Variants in BLTP3B observed in about 807,000 individuals in gnomAD.
BLTP3B encodes the protein UHRF1 (ICBP90) binding protein 1-like.
the BLTP3B span, chr12:100,058,230 T>C: frequency 6.2e-7 from 1 of 1,612,614 alleles, no homozygotes; most frequent in Non-Finnish European, 8.5e-7. Flanking sequence ...TATATTCGAA[T>C]CTTCTCTGTA....
the BLTP3B span, among the ~76,000 whole-genome samples, chr12:100,138,041 A>G: frequency 2.0e-5 from 3 of 152,214 alleles, no homozygotes; most frequent in Non-Finnish European, 4.4e-5. Context: ...CTAAAGCTGT[A>G]GCTCCCAACC....
At chr12:100,104,363 C>T in the BLTP3B span, among the ~76,000 whole-genome samples, 1 of 151,740 alleles carries the variant, frequency 6.6e-6, no homozygotes, top group Non-Finnish European at 1.5e-5. Flanking sequence ...GCCACCACGC[C>T]CGGCTAATTT....
the BLTP3B span, among the ~76,000 whole-genome samples, chr12:100,081,915 T>G: frequency 6.6e-6 from 1 of 152,194 alleles, no homozygotes; most frequent in African/African-American, 2.4e-5. Flanking sequence ...TATATTCCTA[T>G]GGGTATATAC....
the BLTP3B span, among the ~76,000 whole-genome samples, chr12:100,041,009 C>A: frequency 1.9e-4 from 29 of 152,214 alleles, 2 homozygotes; most frequent in Admixed American, 1.3e-3. Context: ...AACAAAAAAA[C>A]CCCACAAGAA....
At chr12:100,086,712 C>T in the BLTP3B span, among the ~76,000 whole-genome samples, 1 of 152,016 alleles carries the variant, frequency 6.6e-6, no homozygotes, top group African/African-American at 2.4e-5. Context: ...TCATAACAAC[C>T]GCATTTGATA....
the BLTP3B span, chr12:100,057,481 T>G: frequency 2.6e-5 from 26 of 1,014,422 alleles, no homozygotes; most frequent in East Asian, 6.9e-4. Flanking sequence ...ATGGGTACAG[T>G]TAACAATTAC....
the BLTP3B span, among the ~76,000 whole-genome samples, chr12:100,127,452 G>T: frequency 2.0e-5 from 3 of 152,226 alleles, no homozygotes; most frequent in African/African-American, 7.2e-5. Flanking sequence ...TATGTAATAA[G>T]TTGCACAATT....
chr12:100,063,705 CAAAA>C, the BLTP3B span, among the ~76,000 whole-genome samples: 2 of 89,012 alleles, frequency 2.2e-5, no homozygotes, highest in Non-Finnish European at 4.7e-5. Context: ...AACTCCGTCT[CAAAA>C]AAAAAAAAAA....
the BLTP3B span, among the ~76,000 whole-genome samples, chr12:100,039,256 T>TA: frequency 6.6e-5 from 10 of 151,706 alleles, no homozygotes; most frequent in Non-Finnish European, 1.2e-4. Context: ...ACTAAGCCAT[T>TA]AAAAAAAATT....
the BLTP3B span, among the ~76,000 whole-genome samples, chr12:100,063,093 C>T: frequency 7.2e-5 from 11 of 152,204 alleles, no homozygotes; most frequent in Admixed American, 2.0e-4. Flanking sequence ...TTTGCAGCTC[C>T]GACTCGGATG....
At chr12:100,048,769 TGA>T in the BLTP3B span, among the ~76,000 whole-genome samples, 25 of 72,886 alleles carry the variant, frequency 3.4e-4, no homozygotes, top group African/African-American at 1.2e-3. Context: ...AGAGTGAGAG[TGA>T]GTGTGTGTGT....
the BLTP3B span, among the ~76,000 whole-genome samples, chr12:100,113,503 A>G: frequency 6.6e-6 from 1 of 152,276 alleles, no homozygotes; most frequent in East Asian, 1.9e-4. Flanking sequence ...AATGCTATCT[A>G]CTGCTTACTA....
the BLTP3B span, among the ~76,000 whole-genome samples, chr12:100,124,953 TA>T: frequency 7.4e-4 from 62 of 83,328 alleles, 3 homozygotes; most frequent in African/African-American, 3.3e-3. Context: ...TATATATATA[TA>T]TATATATATA....
the BLTP3B span, among the ~76,000 whole-genome samples, chr12:100,064,630 T>C: frequency 6.6e-6 from 1 of 152,180 alleles, no homozygotes; most frequent in Non-Finnish European, 1.5e-5. Flanking sequence ...TCCAGCCCTA[T>C]CTTCAGCTTC....
the BLTP3B span, among the ~76,000 whole-genome samples, chr12:100,087,176 A>AAAAAAAAAAAAAAAAT: frequency 6.6e-6 from 1 of 151,570 alleles, no homozygotes; most frequent in African/African-American, 2.4e-5. Flanking sequence ...AAAAAAAAAA[A>AAAAAAAAAAAAAAAAT]AAAAGGGAAA....
chr12:100,072,632 T>C, the BLTP3B span: 2 of 1,425,342 alleles, frequency 1.4e-6, no homozygotes, highest in Admixed American at 2.7e-5. Flanking sequence ...AAAAATACTT[T>C]CTCAAATAAT....
At chr12:100,050,928 GA>G in the BLTP3B span, 5 of 1,019,880 alleles carry the variant, frequency 4.9e-6, no homozygotes, top group Non-Finnish European at 6.8e-6. Context: ...CGATTGGGGG[GA>G]GGCATTTTCA....
At chr12:100,104,208 T>C in the BLTP3B span, among the ~76,000 whole-genome samples, 3 of 148,670 alleles carry the variant, frequency 2.0e-5, no homozygotes, top group Non-Finnish European at 4.5e-5. Flanking sequence ...TTTTTTCTTT[T>C]TTTTTTTTTT....
chr12:100,124,939 TATATATATATA>T, the BLTP3B span, among the ~76,000 whole-genome samples: 107 of 27,704 alleles, frequency 3.9e-3, 1 homozygote, highest in Non-Finnish European at 6.2e-3. Context: ...AAAAATTTTA[TATATATATATA>T]TATATATATA....
Sources: allele counts gnomAD v4.1 joint callset (sites outside exome capture counted in the v4.1 genomes callset), GRCh38; gene constraint gnomAD v4.1.1; transcripts MANE v1.5; gene names NCBI Gene and HGNC (gene_info 2026-07-23, HGNC 2026-07-21).